Variants in TF observed in about 807,000 individuals in gnomAD.
TF encodes the protein serotransferrin.
A neutral mutation model predicts 82.4 loss-of-function variants in TF; 55 were observed. That is an observed-to-expected ratio of 0.67 (90% CI 0.54 to 0.84). The LOEUF (loss-of-function observed/expected upper bound fraction) is 0.84, where lower values mean the gene tolerates loss of function less well. Among genes scored for constraint, TF ranks in the 40% least tolerant of loss-of-function variants. TF has a pLI of 0.00. For missense variants in TF, 737 were observed against 868.4 expected, an observed-to-expected ratio of 0.85 and a Z score of 1.90; for synonymous variants, 332 against 332.6, an observed-to-expected ratio of 1.00 and a Z score of 0.02.
chr3:133,792,210 G>T lies in TF; in HGVS notation c.*13590G>T, dbSNP rs1052455838. 15 of 152,146 alleles carry T rather than the reference G, an allele frequency of 9.9e-5. No homozygotes were observed. The highest frequency in any genetic ancestry group is 3.6e-4 in the African/African-American group (15 of 41,446). 9.4% of individuals were successfully genotyped at this position (152,146 alleles called of 1,614,324 possible). A position where few individuals can be genotyped will look rare whatever the true frequency, so the allele number is the denominator to read the frequency against. On this transcript the variant is annotated 3_prime_UTR_variant, in exon 17 of 17. Transcript: ENST00000402696. ...TGCAAAGAAGGTTATAAAGAAAGGA[G>T]ATTTTATATAAGAAAGGATCTTATA...
chr3:133,775,236 C>T (rs558180264), intron 14 of TF, 197 bp from the exon 15 acceptor site: 145 of 642,838 alleles, frequency 2.3e-4, no homozygotes, highest in Non-Finnish European at 3.3e-4. Context: ...AATAATCATT[C>T]CTGGTCACTG....
At chr3:133,703,776 T>C in the TF span, among the ~76,000 whole-genome samples, 1 of 152,264 alleles carries the variant, frequency 6.6e-6, no homozygotes. Context: ...AGAAATGAAT[T>C]ATTTATTGAA....
Position 133,748,412 on chromosome 3 carries a change from G to T in TF, c.44G>T (p.Gly15Val). ...VGALLVCAVL[G>V]LCLAVPDKTV... ...TCCACCTCTGGCCTCTCTCCCCCAGGGCTGTGTCTGGCTGTCCCTGATAAA... is the reference window on the plus strand; with the variant it reads ...TCCACCTCTGGCCTCTCTCCCCCAGTGCTGTGTCTGGCTGTCCCTGATAAA... Residue 15 changes from glycine (G) to valine (V), a missense_variant and splice_region_variant, in exon 2 of 17, where the codon GGG becomes GTG. By Grantham distance (109) the Gly-to-Val change is moderately radical (BLOSUM62 -3). Transcript: ENST00000402696. The T allele has an allele frequency of 3.7e-6, 6 of 1,614,082 alleles. No homozygotes were observed. The highest frequency in any genetic ancestry group is 5.1e-6 in the Non-Finnish European group (6 of 1,180,026).
the TF span, chr3:133,699,582 G>A: frequency 1.6e-6 from 1 of 614,824 alleles, no homozygotes; most frequent in Non-Finnish European, 2.9e-6. Context: ...AAGTGTGGGT[G>A]GCAAGGAGGA....
At chr3:133,685,240 C>A in the TF span, among the ~76,000 whole-genome samples, 5,498 of 152,244 alleles carry the variant, frequency 0.036, 367 homozygotes, top group African/African-American at 0.12. Context: ...AACCCACAGC[C>A]AATATCATAC....
the TF span, among the ~76,000 whole-genome samples, chr3:133,675,305 G>T: frequency 2.7e-5 from 4 of 146,880 alleles, no homozygotes; most frequent in East Asian, 2.1e-4. Flanking sequence ...TATGTGACAT[G>T]AAAATTATAT....
chr3:133,739,743 C>A, the TF span, among the ~76,000 whole-genome samples: 4 of 152,222 alleles, frequency 2.6e-5, no homozygotes, highest in Non-Finnish European at 5.9e-5. Context: ...AGCTCATCAT[C>A]ACTGGTCATT....
At chr3:133,730,091 T>G in the TF span, among the ~76,000 whole-genome samples, 76 of 152,308 alleles carry the variant, frequency 5.0e-4, no homozygotes, top group African/African-American at 1.6e-3. Flanking sequence ...AGCTTCTATC[T>G]CAAGTTCCTC....
chr3:133,693,863 A>G, the TF span, among the ~76,000 whole-genome samples: 1 of 152,190 alleles, frequency 6.6e-6, no homozygotes, highest in African/African-American at 2.4e-5. Flanking sequence ...CGTGTGGGTG[A>G]ATTAGCAGAG....
At chr3:133,736,631 C>CAAAAAAGAAAAAAAAAAAAAAA in the TF span, among the ~76,000 whole-genome samples, 16 of 32,560 alleles carry the variant, frequency 4.9e-4, 3 homozygotes, top group East Asian at 2.5e-3. Context: ...AATGGAAAGC[C>CAAAAAAGAAAAAAAAAAAAAAA]AAAAAAAAAA....
chr3:133,712,187 G>A, the TF span, among the ~76,000 whole-genome samples: 1 of 152,168 alleles, frequency 6.6e-6, no homozygotes, highest in African/African-American at 2.4e-5. Flanking sequence ...TTTTCAAGAG[G>A]GCAGAGCCTG....
chr3:133,766,129 C>T, intron 11 of TF, 149 bp from the exon 12 acceptor site: 3 of 800,520 alleles, frequency 3.7e-6, no homozygotes, highest in Non-Finnish European at 6.5e-6. Flanking sequence ...GTTCCTTGTA[C>T]TTCCCCTCAG....
chr3:133,792,448 G>T lies in TF; in HGVS notation c.*13828G>T, dbSNP rs1934864347. On this transcript the variant is annotated 3_prime_UTR_variant, in exon 17 of 17. Transcript: ENST00000402696. The stretch of plus-strand genomic sequence containing the variant: ...ACTATGACTCTTAACTCTACAACTT[G>T]CCTGCTTTACAGCTCGGTAAGGCCT... 6.6e-6 allele frequency: 1 copy of T among 152,196 alleles called. No individual in the cohort carries two copies. Among genetic ancestry groups the T allele is most frequent in the Non-Finnish European group, 1.5e-5 (1 of 68,038 alleles). 9.4% of individuals were successfully genotyped at this position (152,196 alleles called of 1,614,324 possible). A position where few individuals can be genotyped will look rare whatever the true frequency, so the allele number is the denominator to read the frequency against.
intron 12 of TF, among the ~76,000 whole-genome samples, chr3:133,767,817 C>G (rs1044090103): frequency 6.6e-6 from 1 of 152,190 alleles, no homozygotes; most frequent in Non-Finnish European, 1.5e-5. Context: ...CCCCTCTGCC[C>G]TGAATTGTAA....
the TF span, among the ~76,000 whole-genome samples, chr3:133,729,681 G>C: frequency 6.6e-6 from 1 of 152,220 alleles, no homozygotes; most frequent in Non-Finnish European, 1.5e-5. Context: ...TGCACCCACT[G>C]TCTGGCACTC....
intron 1 of TF, 37 bp downstream of exon 1, chr3:133,746,520 G>A (rs772604353): frequency 1.3e-6 from 2 of 1,575,988 alleles, no homozygotes; most frequent in South Asian, 2.3e-5. Context: ...CAGAGTCGCT[G>A]GCCCGCGCGT....
rs1934912506 is a variant in TF, at chr3:133,794,244, A to T, written c.*15624A>T. 1 of 152,242 alleles carries T rather than the reference A, an allele frequency of 6.6e-6. No individual in the cohort carries two copies. The highest frequency in any genetic ancestry group is 1.5e-5 in the Non-Finnish European group (1 of 68,038). 9.4% of individuals were successfully genotyped at this position (152,242 alleles called of 1,614,324 possible). A position where few individuals can be genotyped will look rare whatever the true frequency, so the allele number is the denominator to read the frequency against. The stretch of plus-strand genomic sequence containing the variant: ...CATGACTCGTCACGGAAAAGATAAA[A>T]TGATCCAAATTGAATATATTGATGT... On this transcript the variant is annotated 3_prime_UTR_variant, in exon 17 of 17. Transcript: ENST00000402696.
chr3:133,695,061 G>T, the TF span, among the ~76,000 whole-genome samples: 1 of 151,918 alleles, frequency 6.6e-6, no homozygotes, highest in East Asian at 1.9e-4. Flanking sequence ...TTCAGACAAA[G>T]CCGTCACCTC....
the TF span, among the ~76,000 whole-genome samples, chr3:133,669,782 C>T: frequency 6.6e-6 from 1 of 152,208 alleles, no homozygotes; most frequent in African/African-American, 2.4e-5. Context: ...CTTTATGTTA[C>T]TAAGAGGTCA....
Sources: allele counts gnomAD v4.1 joint callset (sites outside exome capture counted in the v4.1 genomes callset), GRCh38; gene constraint gnomAD v4.1.1; transcripts MANE v1.5; gene names NCBI Gene and HGNC (gene_info 2026-07-23, HGNC 2026-07-21).